The following CCSER1 variants were observed in gnomAD, a reference collection of about 807,000 sequenced individuals.
CCSER1 encodes the protein serine-rich coiled-coil domain-containing protein 1.
In CCSER1, 41 loss-of-function variants were observed where a neutral mutation model predicts 82.0. The observed-to-expected ratio is 0.50, with a 90% confidence interval of 0.39 to 0.65. The LOEUF (loss-of-function observed/expected upper bound fraction) is 0.65. Ranked by LOEUF, CCSER1 falls within the 30% of genes least tolerant of loss-of-function variation. CCSER1 has a pLI of 0.00. For missense variants in CCSER1, 1,119 were observed against 1,064.2 expected, an observed-to-expected ratio of 1.05 and a Z score of -0.72; for synonymous variants, 414 against 383.9, an observed-to-expected ratio of 1.08 and a Z score of -0.92.
intron 7 of CCSER1, among the ~76,000 whole-genome samples, chr4:90,734,202 T>G (rs1054673353): frequency 6.6e-6 from 1 of 152,100 alleles, no homozygotes; most frequent in Admixed American, 6.6e-5. Flanking sequence ...CTCCGGTCAC[T>G]GCAAGCTCTG....
chr4:91,147,336 G>C (rs528759630), intron 10 of CCSER1, among the ~76,000 whole-genome samples: 4 of 152,176 alleles, frequency 2.6e-5, no homozygotes, highest in African/African-American at 4.8e-5. Flanking sequence ...CCCAGGAGCC[G>C]GCCCAGCCAG....
chr4:90,327,818 A>G (rs756589250), intron 3 of CCSER1, among the ~76,000 whole-genome samples: 3 of 152,314 alleles, frequency 2.0e-5, no homozygotes, highest in Non-Finnish European at 4.4e-5. Flanking sequence ...CCTGGTAGAT[A>G]AAAATTGCCC....
chr4:90,725,277 C>T (rs1029007492), intron 7 of CCSER1, among the ~76,000 whole-genome samples: 3 of 151,488 alleles, frequency 2.0e-5, no homozygotes, highest in African/African-American at 7.2e-5. Flanking sequence ...TGATTACAGT[C>T]TTTGAAAATT....
chr4:90,658,363 A>G (rs1279296037), intron 6 of CCSER1, among the ~76,000 whole-genome samples: 1 of 152,210 alleles, frequency 6.6e-6, no homozygotes, highest in African/African-American at 2.4e-5. Flanking sequence ...TGATTCCAAG[A>G]TGGACGTCAG....
At chr4:91,236,120 A>G (rs1442605466) in intron 10 of CCSER1, among the ~76,000 whole-genome samples, 1 of 152,244 alleles carries the variant, frequency 6.6e-6, no homozygotes, top group Non-Finnish European at 1.5e-5. Context: ...ACTTAGAATT[A>G]GCACATTTCA....
At chr4:91,295,663 A>G (rs1249177147) in intron 10 of CCSER1, among the ~76,000 whole-genome samples, 1 of 151,968 alleles carries the variant, frequency 6.6e-6, no homozygotes, top group Non-Finnish European at 1.5e-5. Context: ...GTGATATTGC[A>G]TAATGCATAC....
intron 8 of CCSER1, among the ~76,000 whole-genome samples, chr4:90,895,869 T>C (rs1723635216): frequency 6.6e-6 from 1 of 151,906 alleles, no homozygotes; most frequent in African/African-American, 2.4e-5. Context: ...ATTTCAAACA[T>C]ATGTTGAATT....
At chr4:91,577,320 A>C (rs1200832804) in intron 10 of CCSER1, among the ~76,000 whole-genome samples, 2 of 151,986 alleles carry the variant, frequency 1.3e-5, no homozygotes, top group Non-Finnish European at 2.9e-5. Flanking sequence ...GAAAGTGCTC[A>C]GAAGAAGAAG....
intron 1 of CCSER1, among the ~76,000 whole-genome samples, chr4:90,158,328 C>T (rs1039389841): frequency 6.6e-6 from 1 of 152,186 alleles, no homozygotes; most frequent in Admixed American, 6.5e-5. Flanking sequence ...GGTCAGGGGT[C>T]AGGGACCCAC....
intron 10 of CCSER1, among the ~76,000 whole-genome samples, chr4:91,591,200 A>T (rs1764253903): frequency 6.6e-6 from 1 of 152,144 alleles, no homozygotes; most frequent in South Asian, 2.1e-4. Context: ...ACATACTTAA[A>T]CATACAGTAC....
intron 1 of CCSER1, among the ~76,000 whole-genome samples, chr4:90,304,012 G>C (rs1046463359): frequency 6.6e-6 from 1 of 151,154 alleles, no homozygotes; most frequent in South Asian, 2.1e-4. Context: ...GACACTTCTC[G>C]AAGACATTTA....
chr4:91,411,491 CATAT>C (rs770013398), intron 10 of CCSER1, among the ~76,000 whole-genome samples: 1,042 of 53,732 alleles, frequency 0.019, 60 homozygotes, highest in African/African-American at 0.061. Flanking sequence ...TGCATATATA[CATAT>C]ATATATATAT....
intron 5 of CCSER1, among the ~76,000 whole-genome samples, chr4:90,493,542 C>G (rs912089933): frequency 1.3e-5 from 2 of 152,126 alleles, no homozygotes; most frequent in African/African-American, 4.8e-5. Flanking sequence ...AAAGGGAAGC[C>G]CATCAGACTA....
intron 10 of CCSER1, among the ~76,000 whole-genome samples, chr4:91,204,924 A>G (rs931169974): frequency 6.0e-5 from 9 of 151,080 alleles, no homozygotes; most frequent in African/African-American, 2.2e-4. Flanking sequence ...ATGATCTTTA[A>G]GTAACAATAA....
rs116397868 is a variant in CCSER1 at position 90,487,494 on chromosome 4, A to T, written c.1724+19140A>T. On this transcript the variant is annotated intron_variant, in intron 5 of 10. Coordinates refer to ENST00000509176, the MANE Select transcript of CCSER1 (RefSeq NM_001145065.2). ...TATACTTGTTTGTTCAGTATTTATC[A>T]TATAGGTTTTCAAATTTGATGAAAG... 7.8e-3 allele frequency among the ~76,000 whole-genome samples: 1,190 copies of T among 152,312 alleles called. 8 individuals are homozygous for T. Among genetic ancestry groups the T allele is most frequent in the Middle Eastern group, 0.037 (11 of 294 alleles).
At chr4:90,921,113 ACT>A (rs1728314755) in intron 8 of CCSER1, among the ~76,000 whole-genome samples, 2 of 151,746 alleles carry the variant, frequency 1.3e-5, no homozygotes, top group South Asian at 2.1e-4. Flanking sequence ...TATCTATAAA[ACT>A]CTTTTTGTAC....
chr4:91,023,387 C>T (rs1311008052), intron 9 of CCSER1, among the ~76,000 whole-genome samples: 13 of 152,132 alleles, frequency 8.5e-5, no homozygotes, highest in South Asian at 4.1e-4. Flanking sequence ...GGAGACATCA[C>T]GCTACCTGAC....
chr4:90,965,698 A>G (rs753978116), intron 9 of CCSER1, among the ~76,000 whole-genome samples: 1 of 152,122 alleles, frequency 6.6e-6, no homozygotes, highest in Non-Finnish European at 1.5e-5. Context: ...TGTGAAAGAG[A>G]AGAATCTGAT....
At chr4:90,744,950 T>A (rs963223892) in intron 7 of CCSER1, among the ~76,000 whole-genome samples, 2 of 130,060 alleles carry the variant, frequency 1.5e-5, no homozygotes, top group African/African-American at 6.9e-5. Flanking sequence ...TTCATACATT[T>A]TATATATATT....
Sources: allele counts gnomAD v4.1 joint callset (sites outside exome capture counted in the v4.1 genomes callset), GRCh38; gene constraint gnomAD v4.1.1; transcripts MANE v1.5; gene names NCBI Gene and HGNC (gene_info 2026-07-23, HGNC 2026-07-21).